Variants in JRK observed in about 807,000 individuals in gnomAD.
The protein encoded by JRK is jerky protein homolog.
For synonymous variants in JRK, 303 were observed against 218.1 expected, an observed-to-expected ratio of 1.39 and a Z score of -3.43; for missense variants, 720 against 509.2, an observed-to-expected ratio of 1.41 and a Z score of -3.98.
downstream of JRK, among the ~76,000 whole-genome samples, chr8:142,654,553 G>A (rs370015477): frequency 6.6e-6 from 1 of 151,918 alleles, no homozygotes; most frequent in South Asian, 2.1e-4. Flanking sequence ...ATTCAAAGAA[G>A]AGGGCTGTAC....
chr8:142,662,914 C>A lies in JRK; in HGVS notation c.*1438G>T. 1 of 947,698 alleles carries A rather than the reference C, an allele frequency of 1.1e-6. No homozygotes were observed. The highest frequency in any genetic ancestry group is 1.8e-5 in the African/African-American group (1 of 56,476). 58.7% of individuals were successfully genotyped at this position (947,698 alleles called of 1,614,324 possible). A position where few individuals can be genotyped will look rare whatever the true frequency, so the allele number is the denominator to read the frequency against. On this transcript the variant is annotated 3_prime_UTR_variant, in exon 2 of 2. Coordinates refer to ENST00000612905, the MANE Select transcript of JRK (RefSeq NM_003724.4). Reference sequence around the variant, plus strand: ...GTGGCTCACACCTGTAATCCCAGCACTTTAGAAGGATGAGGAAGGAGGATC... The same window carrying A: ...GTGGCTCACACCTGTAATCCCAGCAATTTAGAAGGATGAGGAAGGAGGATC...
In JRK at chr8:142,664,121, C is replaced by T; in HGVS notation, c.*231G>A. 3.0e-6 allele frequency: 4 copies of T among 1,321,812 alleles called. No individual in the cohort carries two copies. The highest frequency in any genetic ancestry group is 3.8e-6 in the Non-Finnish European group (4 of 1,039,554). 81.9% of individuals were successfully genotyped at this position (1,321,812 alleles called of 1,614,324 possible). On this transcript the variant is annotated 3_prime_UTR_variant, in exon 2 of 2. Transcript: ENST00000612905. Reference sequence around the variant, plus strand: ...AGGGTGGACCCTTCCAAAACATTTCCTCACTTTCGGATGACACGGCAAGTG... The same window carrying T: ...AGGGTGGACCCTTCCAAAACATTTCTTCACTTTCGGATGACACGGCAAGTG...
rs1018912453 is a variant in JRK, at chr8:142,661,246, G to C, written c.*3106C>G. The stretch of plus-strand genomic sequence containing the variant: ...AGGCCAGGCTGGCACAGGCAGGACA[G>C]GTGTTCTGTAAACCAACCCCAACGT... On this transcript the variant is annotated 3_prime_UTR_variant, in exon 2 of 2. Coordinates refer to ENST00000612905, the MANE Select transcript of JRK (RefSeq NM_003724.4). The C allele has an allele frequency of 2.0e-6, 2 of 985,440 alleles. No individual in the cohort carries two copies. The highest frequency in any genetic ancestry group is 3.5e-5 in the African/African-American group (2 of 57,216). 61.0% of individuals were successfully genotyped at this position (985,440 alleles called of 1,614,324 possible).
At position 142,665,939 on chromosome 8, in the gene JRK, TGCC is replaced by T; in HGVS notation, c.117_119del (p.Ala40del). On this transcript the variant is annotated inframe_deletion, in exon 2 of 2. Transcript: ENST00000612905. Reference sequence around the variant, plus strand: ...TGCCCACATTGTACTCCTGCATCAGTGCCTTCCGGCTCTCGCCCTTCTCCAGGC... The same window carrying T: ...TGCCCACATTGTACTCCTGCATCAGTTTCCGGCTCTCGCCCTTCTCCAGGC... The T allele has an allele frequency of 1.2e-6, 1 of 853,094 alleles. No homozygotes were observed. Among genetic ancestry groups the T allele is most frequent in the Non-Finnish European group, 2.1e-6 (1 of 484,440 alleles). 52.8% of individuals were successfully genotyped at this position (853,094 alleles called of 1,614,324 possible).
At position 142,661,659 on chromosome 8, in the gene JRK, C is replaced by T. The variant is rs1266191178; in HGVS notation, c.*2693G>A. On this transcript the variant is annotated 3_prime_UTR_variant, in exon 2 of 2. Coordinates refer to ENST00000612905, the MANE Select transcript of JRK (RefSeq NM_003724.4). Reference sequence around the variant, plus strand: ...ATTTAAACAGGACCAGAGACTTTCTCGCTCTGCTCTGGCAAGCTCCAGGGC... The same window carrying T: ...ATTTAAACAGGACCAGAGACTTTCTTGCTCTGCTCTGGCAAGCTCCAGGGC... 3 of 985,368 alleles carry T rather than the reference C, an allele frequency of 3.0e-6. No homozygotes were observed. Among genetic ancestry groups the T allele is most frequent in the East Asian group, 1.1e-4 (1 of 8,824 alleles). 61.0% of individuals were successfully genotyped at this position (985,368 alleles called of 1,614,324 possible).
chr8:142,651,123 A>G, the JRK span, among the ~76,000 whole-genome samples: 1 of 152,202 alleles, frequency 6.6e-6, no homozygotes, highest in Non-Finnish European at 1.5e-5. Flanking sequence ...TCAACTGAGA[A>G]GAAAAAAACC....
chr8:142,669,654 G>C (rs1443029462), intron 1 of JRK, among the ~76,000 whole-genome samples: 1 of 151,980 alleles, frequency 6.6e-6, no homozygotes, highest in East Asian at 1.9e-4. Context: ...TGGCGGCAAG[G>C]GGTGGGTGCG....
chr8:142,654,067 G>A (rs77517526), downstream of JRK, among the ~76,000 whole-genome samples: 5,402 of 152,252 alleles, frequency 0.035, 119 homozygotes, highest in Non-Finnish European at 0.053. Context: ...GGGACTGAGA[G>A]GCCTGGGAGC....
At position 142,664,029 on chromosome 8, in the gene JRK, A is replaced by G; in HGVS notation, c.*323T>C. ...ATACTGCAATGATCAGCCAGCGAAC[A>G]CGAGACCAGATCGGCTCAGCCTGGC... On this transcript the variant is annotated 3_prime_UTR_variant, in exon 2 of 2. Coordinates refer to ENST00000612905, the MANE Select transcript of JRK (RefSeq NM_003724.4). 3 of 1,149,156 alleles carry G rather than the reference A, an allele frequency of 2.6e-6. No homozygotes were observed. The highest frequency in any genetic ancestry group is 3.2e-6 in the Non-Finnish European group (3 of 933,812). The allele number at this position is 1,149,156 out of a possible 1,614,324, so 71.2% of individuals were successfully genotyped here.
intron 1 of JRK, among the ~76,000 whole-genome samples, chr8:142,668,016 G>A (rs1554636519): frequency 6.6e-6 from 1 of 152,210 alleles, no homozygotes; most frequent in Non-Finnish European, 1.5e-5. Flanking sequence ...CTGAAAAGCT[G>A]TTTGCCCAAA....
chr8:142,669,826 C>T (rs1221435490), intron 1 of JRK, 106 bp downstream of exon 1: 1 of 150,894 alleles, frequency 6.6e-6, no homozygotes, highest in Non-Finnish European at 1.5e-5. Context: ...CCTGCCCAGA[C>T]TGCGGCTCCC....
Position 142,659,754 on chromosome 8 carries a change from G to A in JRK, c.*4598C>T. 6.1e-6 allele frequency: 6 copies of A among 985,494 alleles called. No homozygotes were observed. The highest frequency in any genetic ancestry group is 7.2e-6 in the Non-Finnish European group (6 of 829,962). The allele number at this position is 985,494 out of a possible 1,614,324, so 61.0% of individuals were successfully genotyped here. The stretch of plus-strand genomic sequence containing the variant: ...CACTGCTCAAGGTCATGCAGCTGGT[G>A]AACAGCAGGGAGTGAGCAGTGGAGA... On this transcript the variant is annotated 3_prime_UTR_variant, in exon 2 of 2. Coordinates refer to ENST00000612905, the MANE Select transcript of JRK (RefSeq NM_003724.4).
chr8:142,658,839 CAGA>C lies in JRK; in HGVS notation c.*5510_*5512del. The C allele has an allele frequency of 6.2e-7, 1 of 1,610,384 alleles. No homozygotes were observed. On this transcript the variant is annotated 3_prime_UTR_variant, in exon 2 of 2. Transcript: ENST00000612905. ...GGTCTTACCCAGCACTGCCATGTGGCAGAAGTTCTCCAACATTATGTCTCTGTA... is the reference window on the plus strand; with the variant it reads ...GGTCTTACCCAGCACTGCCATGTGGCAGTTCTCCAACATTATGTCTCTGTA...
In JRK at chr8:142,663,322, A is replaced by C. The variant is rs1554634861; in HGVS notation, c.*1030T>G. 2 of 985,298 alleles carry C rather than the reference A, an allele frequency of 2.0e-6. No individual in the cohort carries two copies. Among genetic ancestry groups the C allele is most frequent in the Non-Finnish European group, 2.4e-6 (2 of 829,940 alleles). The allele number at this position is 985,298 out of a possible 1,614,324, so 61.0% of individuals were successfully genotyped here. On this transcript the variant is annotated 3_prime_UTR_variant, in exon 2 of 2. Coordinates refer to ENST00000612905, the MANE Select transcript of JRK (RefSeq NM_003724.4). ...GGAGAAAATAACCACATCCTCTTAC[A>C]ACCGCCTCTGTGAAAACTGACCAGG...
rs781857287 is a variant in JRK at position 142,664,773 on chromosome 8, G to C, written c.1286C>G (p.Pro429Arg). 1 of 1,589,284 alleles carries C rather than the reference G, an allele frequency of 6.3e-7. No homozygotes were observed. The highest frequency in any genetic ancestry group is 1.1e-5 in the South Asian group (1 of 87,556). The part of the protein sequence containing the change: ...LELVKEGSSC[P>R]GQLRQRQAAS... Reference sequence around the variant, plus strand: ...GGCCTGGCGCTGGCGAAGCTGGCCCGGGCAGGAGGAGCCTTCCTTCACAAG... The same window carrying C: ...GGCCTGGCGCTGGCGAAGCTGGCCCCGGCAGGAGGAGCCTTCCTTCACAAG... Residue 429 changes from proline to arginine, a missense_variant, in exon 2 of 2, where the codon CCG (proline) becomes CGG (arginine). Coordinates refer to ENST00000612905, the MANE Select transcript of JRK (RefSeq NM_003724.4).
downstream of JRK, among the ~76,000 whole-genome samples, chr8:142,653,570 TCTCA>T (rs587659132): frequency 2.4e-4 from 37 of 151,134 alleles, no homozygotes; most frequent in African/African-American, 8.3e-4. Flanking sequence ...AGAGAAGAGG[TCTCA>T]CTATGTTGCC....
chr8:142,645,174 T>C, the JRK span, among the ~76,000 whole-genome samples: 3 of 152,204 alleles, frequency 2.0e-5, no homozygotes, highest in East Asian at 5.8e-4. Flanking sequence ...CTGTCAGTGT[T>C]TAAAATTTAG....
the JRK span, among the ~76,000 whole-genome samples, chr8:142,649,029 A>G: frequency 3.9e-5 from 6 of 152,196 alleles, no homozygotes; most frequent in Non-Finnish European, 8.8e-5. Flanking sequence ...AAACTTGCAT[A>G]GGGCCTGTTT....
the JRK span, among the ~76,000 whole-genome samples, chr8:142,652,024 G>A: frequency 6.6e-6 from 1 of 150,436 alleles, no homozygotes; most frequent in Non-Finnish European, 1.5e-5. Flanking sequence ...GGGGGGTGGT[G>A]GGAGTTGTAC....
Sources: gnomAD v4.1 joint callset for allele counts (sites outside exome capture counted in the v4.1 genomes callset) on GRCh38, gnomAD v4.1.1 for gene constraint, MANE v1.5 for transcripts, NCBI Gene and HGNC (gene_info 2026-07-23, HGNC 2026-07-21) for gene names.